The following CPB1 variants were observed in gnomAD, a reference collection of about 807,000 sequenced individuals.
CPB1 encodes carboxypeptidase B1.
In CPB1, 53 loss-of-function variants were observed where a neutral mutation model predicts 51.4. The ratio of observed to expected loss-of-function variants is 1.03; its 90% confidence interval spans 0.83 to 1.30. CPB1 has a LOEUF of 1.30. Ranked by LOEUF, CPB1 falls within the 50% of genes most tolerant of loss-of-function variation. The probability of loss-of-function intolerance (pLI) is 0.00; values close to 1 mark genes in which losing one functional copy is unlikely to be tolerated. For synonymous variants in CPB1, 189 were observed against 186.9 expected (o/e 1.01, Z -0.09); for missense variants, 494 against 516.2 (o/e 0.96, Z 0.42).
Position 148,857,438 on chromosome 3 carries a change from A to G in CPB1, c.982-19A>G, listed in dbSNP as rs1258788592. The stretch of plus-strand genomic sequence containing the variant: ...TGTGCTTTTATTTATTTCCTTACTT[A>G]TTCCTGTTTCTTTTGCAGAATGCCC... On this transcript the variant is annotated intron_variant, in intron 9 of 10. Coordinates refer to ENST00000282957, the MANE Select transcript of CPB1 (RefSeq NM_001871.3). The G allele has an allele frequency of 1.4e-5, 22 of 1,601,496 alleles. No individual in the cohort carries two copies. The highest frequency in any genetic ancestry group is 1.9e-5 in the Non-Finnish European group (22 of 1,168,912).
chr3:148,849,758 C>T (rs1713368974), intron 9 of CPB1, among the ~76,000 whole-genome samples: 1 of 152,188 alleles, frequency 6.6e-6, no homozygotes, highest in African/African-American at 2.4e-5. Context: ...GAATGTTATG[C>T]CTAGAAAAGT....
At chr3:148,829,076 T>G (rs1026544521) in intron 2 of CPB1, among the ~76,000 whole-genome samples, 5 of 152,194 alleles carry the variant, frequency 3.3e-5, no homozygotes, top group Admixed American at 3.3e-4. Flanking sequence ...TCATTCCAAC[T>G]GTTTTCTTCC....
intron 9 of CPB1, among the ~76,000 whole-genome samples, chr3:148,850,276 T>C (rs1326962569): frequency 2.1e-5 from 3 of 143,780 alleles, no homozygotes; most frequent in African/African-American, 7.6e-5. Flanking sequence ...TGCCTCTTAA[T>C]TGAAGTTTTT....
Position 148,845,526 on chromosome 3 carries a change from T to A in CPB1, c.881T>A (p.Leu294His). Residue 294 changes from leucine to histidine, a missense_variant, in exon 9 of 11, where the codon CTC (leucine) becomes CAC (histidine). Leu to His is a moderately conservative substitution (Grantham distance 99, BLOSUM62 -3). Transcript: ENST00000282957. The stretch of plus-strand genomic sequence containing the variant: ...CTGGCTGATTTCATCCGCAACAAAC[T>A]CTCTTCCATCAAGGCATATCTGACA... ...KALADFIRNK[L>H]SSIKAYLTIH... 6.2e-7 allele frequency: 1 copy of A among 1,613,828 alleles called. No individual in the cohort carries two copies. Among genetic ancestry groups the A allele is most frequent in the South Asian group, 1.1e-5 (1 of 91,082 alleles).
chr3:148,844,186 T>C (rs1713165518), intron 6 of CPB1, among the ~76,000 whole-genome samples: 1 of 152,184 alleles, frequency 6.6e-6, no homozygotes, highest in Non-Finnish European at 1.5e-5. Context: ...TGAGTATATA[T>C]GTTCTTTAGA....
chr3:148,857,399 C>A, intron 9 of CPB1, 58 bp from the exon 10 acceptor site: 1 of 1,271,714 alleles, frequency 7.9e-7, no homozygotes, highest in Non-Finnish European at 1.1e-6. Context: ...ATGTACAGGG[C>A]ATTTGTTTGG....
chr3:148,833,163 C>T (rs1044470239), intron 2 of CPB1, among the ~76,000 whole-genome samples: 2 of 152,124 alleles, frequency 1.3e-5, no homozygotes, highest in Non-Finnish European at 2.9e-5. Context: ...TTCATTTAAC[C>T]TCTCATCCTT....
In CPB1 at chr3:148,848,463, G is replaced by C. The variant is rs115794402; in HGVS notation, c.981+2837G>C. On this transcript the variant is annotated intron_variant, in intron 9 of 10. Coordinates refer to ENST00000282957, the MANE Select transcript of CPB1 (RefSeq NM_001871.3). The stretch of plus-strand genomic sequence containing the variant: ...ATGAGGACTTACAGCGTTCTGCCAA[G>C]TCATTGGTGTACAAGAGATTTCTAT... 8.8e-3 allele frequency among the ~76,000 whole-genome samples: 1,335 copies of C among 152,150 alleles called. 10 individuals are homozygous for C. Among genetic ancestry groups the C allele is most frequent in the Non-Finnish European group, 0.015 (1,028 of 67,998 alleles).
intron 9 of CPB1, among the ~76,000 whole-genome samples, chr3:148,850,458 C>T (rs1326143534): frequency 2.0e-5 from 3 of 151,892 alleles, no homozygotes; most frequent in African/African-American, 7.3e-5. Context: ...CCTGCCACCA[C>T]ACCCGGCTAA....
intron 3 of CPB1, among the ~76,000 whole-genome samples, chr3:148,835,650 A>C (rs529718085): frequency 1.3e-5 from 2 of 152,204 alleles, no homozygotes; most frequent in Non-Finnish European, 2.9e-5. Flanking sequence ...GTCCTCCTCC[A>C]GGGGGTAGAT....
chr3:148,835,597 A>G (rs774449767), intron 3 of CPB1, among the ~76,000 whole-genome samples: 109 of 152,302 alleles, frequency 7.2e-4, no homozygotes, highest in Non-Finnish European at 1.1e-3. Flanking sequence ...GGACACTTGC[A>G]TAAGAGGGAA....
At chr3:148,858,293 C>A (rs999519297) in intron 10 of CPB1, among the ~76,000 whole-genome samples, 2 of 152,042 alleles carry the variant, frequency 1.3e-5, no homozygotes, top group Non-Finnish European at 2.9e-5. Context: ...GTGTTTTCAG[C>A]CGGGTGCAGT....
intron 9 of CPB1, chr3:148,851,928 C>A (rs1713442511): frequency 6.6e-6 from 1 of 152,182 alleles, no homozygotes; most frequent in African/African-American, 2.4e-5. Context: ...CATTACAGGA[C>A]TTCCAGTAGA....
At chr3:148,859,350 C>T (rs1257223323) in intron 10 of CPB1, among the ~76,000 whole-genome samples, 1 of 152,166 alleles carries the variant, frequency 6.6e-6, no homozygotes, top group Non-Finnish European at 1.5e-5. Context: ...CTACACCAGG[C>T]CCTATGCTAG....
chr3:148,850,389 C>A (rs1355129579), intron 9 of CPB1, among the ~76,000 whole-genome samples: 2 of 152,136 alleles, frequency 1.3e-5, no homozygotes, highest in African/African-American at 2.4e-5. Flanking sequence ...GCAAGCTCCA[C>A]CTCCCGGGTT....
intron 9 of CPB1, chr3:148,854,432 C>G (rs1713519152): frequency 6.6e-6 from 1 of 151,646 alleles, no homozygotes; most frequent in Non-Finnish European, 1.5e-5. Context: ...TGTCTTTTGG[C>G]CTTGGAGGGG....
At chr3:148,859,058 C>A (rs1713676583) in intron 10 of CPB1, among the ~76,000 whole-genome samples, 1 of 152,158 alleles carries the variant, frequency 6.6e-6, no homozygotes, top group African/African-American at 2.4e-5. Flanking sequence ...GCAGAGATAG[C>A]CCACCTATTT....
At chr3:148,850,273 T>G (rs1391004487) in intron 9 of CPB1, among the ~76,000 whole-genome samples, 3 of 145,444 alleles carry the variant, frequency 2.1e-5, no homozygotes, top group Non-Finnish European at 3.1e-5. Flanking sequence ...CACTGCCTCT[T>G]AATTGAAGTT....
rs115309494 is a variant in CPB1 at position 148,845,827 on chromosome 3, C to A, written c.981+201C>A. ...TACAATTTTCACGCAGGAAATTGTT[C>A]CCCACATGCGATTTATTGACTAATC... On this transcript the variant is annotated intron_variant, in intron 9 of 10. Transcript: ENST00000282957. Among the ~76,000 whole-genome samples the A allele has an allele frequency of 3.3e-3, 506 of 152,216 alleles. 1 individual carries two copies. Among genetic ancestry groups the A allele is most frequent in the Non-Finnish European group, 5.1e-3 (348 of 68,012 alleles).
Sources: allele counts gnomAD v4.1 joint callset (sites outside exome capture counted in the v4.1 genomes callset), GRCh38; gene constraint gnomAD v4.1.1; transcripts MANE v1.5; gene names NCBI Gene and HGNC (gene_info 2026-07-23, HGNC 2026-07-21).